CNTNAP5: variants seen among roughly 807,000 people sequenced by gnomAD.
CNTNAP5 encodes the protein contactin-associated protein-like 5.
CNTNAP5 carries 72 observed loss-of-function variants against 150.2 expected under a neutral mutation model. The observed-to-expected ratio is 0.48, with a 90% CI of 0.40 to 0.58. The LOEUF (loss-of-function observed/expected upper bound fraction) is 0.58. CNTNAP5 is among the 20% of genes least tolerant of loss of function. The probability of loss-of-function intolerance (pLI) is 0.00; values close to 1 mark genes in which losing one functional copy is unlikely to be tolerated. For missense variants in CNTNAP5, 1,636 were observed against 1,626.2 expected (o/e 1.01, Z -0.10); for synonymous variants, 672 against 619.8 (o/e 1.08, Z -1.25).
chr2:124,544,321 A>C lies in CNTNAP5; in HGVS notation c.1649+16865A>C, dbSNP rs574508228. On this transcript the variant is annotated intron_variant, in intron 10 of 23. Coordinates refer to ENST00000682447, the MANE Select transcript of CNTNAP5 (RefSeq NM_001367498.1). ...ATAAATAAGGAAAATCAAATAGATAAAGCTAATTTTAGCTAAAGAACTAAA... is the reference window on the plus strand; with the variant it reads ...ATAAATAAGGAAAATCAAATAGATACAGCTAATTTTAGCTAAAGAACTAAA... Among the ~76,000 whole-genome samples, 8 of 152,322 alleles carry C rather than the reference A, an allele frequency of 5.3e-5. No homozygotes were observed. The South Asian group carries it at 1.7e-3, about 32-fold the overall frequency.
intron 1 of CNTNAP5, among the ~76,000 whole-genome samples, chr2:124,027,447 T>C (rs1200992830): frequency 6.6e-6 from 1 of 152,178 alleles, no homozygotes; most frequent in Non-Finnish European, 1.5e-5. Flanking sequence ...GAGATAAGGA[T>C]AAAAAAGACA....
intron 1 of CNTNAP5, among the ~76,000 whole-genome samples, chr2:124,198,891 A>G (rs1057075608): frequency 3.3e-5 from 5 of 149,724 alleles, no homozygotes; most frequent in African/African-American, 1.2e-4. Flanking sequence ...CATTAACTGT[A>G]AATTCTATTC....
At chr2:124,899,960 A>T (rs1214377876) in intron 21 of CNTNAP5, among the ~76,000 whole-genome samples, 2 of 150,530 alleles carry the variant, frequency 1.3e-5, no homozygotes, top group Non-Finnish European at 2.9e-5. Flanking sequence ...AAATTATTTT[A>T]CTCTATACAG....
chr2:124,655,990 A>G (rs1464273027), intron 13 of CNTNAP5, among the ~76,000 whole-genome samples: 10 of 147,606 alleles, frequency 6.8e-5, no homozygotes, highest in East Asian at 2.0e-4. Flanking sequence ...AAAGAAAGAA[A>G]GAAAGAAAAA....
At chr2:124,640,835 A>T (rs1315763191) in intron 12 of CNTNAP5, among the ~76,000 whole-genome samples, 1 of 152,092 alleles carries the variant, frequency 6.6e-6, no homozygotes, top group Non-Finnish European at 1.5e-5. Flanking sequence ...AGGGTTAGGA[A>T]GGAGGAGCAG....
At chr2:124,394,188 A>G (rs1691189451) in intron 3 of CNTNAP5, among the ~76,000 whole-genome samples, 1 of 152,004 alleles carries the variant, frequency 6.6e-6, no homozygotes, top group Non-Finnish European at 1.5e-5. Context: ...CCTGGCCAGC[A>G]TGGTAAAACC....
Position 124,680,460 on chromosome 2 carries a change from T to A in CNTNAP5, c.2077+32502T>A, listed in dbSNP as rs527847115. Among the ~76,000 whole-genome samples, 4 of 152,008 alleles carry A rather than the reference T, an allele frequency of 2.6e-5. 1 individual carries two copies. The Admixed American group carries it at 2.7e-4, about 10-fold the overall frequency. ...TCTGACACACAGTGGGCTCCCAGCA[T>A]TTTCCAAATCACAGACTCTGATTAT... On this transcript the variant is annotated intron_variant, in intron 13 of 23. Coordinates refer to ENST00000682447, the MANE Select transcript of CNTNAP5 (RefSeq NM_001367498.1).
At chr2:124,682,779 G>A (rs17011851) in intron 13 of CNTNAP5, among the ~76,000 whole-genome samples, 4,301 of 152,280 alleles carry the variant, frequency 0.028, 63 homozygotes, top group Middle Eastern at 0.037. Flanking sequence ...TAGTGAATGT[G>A]TAGTTTTGAA....
At chr2:124,449,600 T>A (rs1162251340) in intron 6 of CNTNAP5, among the ~76,000 whole-genome samples, 1 of 152,132 alleles carries the variant, frequency 6.6e-6, no homozygotes, top group African/African-American at 2.4e-5. Flanking sequence ...TTTAGGGAAA[T>A]GAAATCCGAT....
chr2:124,739,518 A>T (rs1373147623), intron 13 of CNTNAP5, among the ~76,000 whole-genome samples: 5 of 152,156 alleles, frequency 3.3e-5, no homozygotes, highest in Admixed American at 3.3e-4. Flanking sequence ...AATCACTGGT[A>T]ATCTCTTGGC....
At chr2:124,772,001 T>C (rs542918357) in intron 16 of CNTNAP5, among the ~76,000 whole-genome samples, 2 of 149,754 alleles carry the variant, frequency 1.3e-5, no homozygotes, top group African/African-American at 4.9e-5. Context: ...ACCACCACCA[T>C]CACCATCATC....
At chr2:124,127,926 C>T (rs539208716) in intron 1 of CNTNAP5, among the ~76,000 whole-genome samples, 4 of 152,180 alleles carry the variant, frequency 2.6e-5, no homozygotes, top group African/African-American at 4.8e-5. Flanking sequence ...GGAGTAAAGA[C>T]TTAAATGTCA....
intron 11 of CNTNAP5, among the ~76,000 whole-genome samples, chr2:124,572,302 T>A (rs1696183783): frequency 6.6e-6 from 1 of 151,734 alleles, no homozygotes; most frequent in African/African-American, 2.4e-5. Context: ...GATACTGGGG[T>A]CTACCTGAGG....
At chr2:124,546,202 C>T (rs1421602291) in intron 10 of CNTNAP5, among the ~76,000 whole-genome samples, 2 of 152,122 alleles carry the variant, frequency 1.3e-5, no homozygotes, top group African/African-American at 4.8e-5. Context: ...TTGAATTCAT[C>T]ATAATACAGG....
chr2:124,735,874 T>G (rs1680372012), intron 13 of CNTNAP5, among the ~76,000 whole-genome samples: 1 of 152,190 alleles, frequency 6.6e-6, no homozygotes, highest in Non-Finnish European at 1.5e-5. Context: ...CGAATGTTAG[T>G]GTTACGGATA....
At chr2:124,462,805 G>A (rs1168190673) in intron 6 of CNTNAP5, among the ~76,000 whole-genome samples, 1 of 152,142 alleles carries the variant, frequency 6.6e-6, no homozygotes, top group Non-Finnish European at 1.5e-5. Context: ...AGAAACGAAT[G>A]AATCAAATAT....
chr2:124,713,265 C>G (rs894490878), intron 13 of CNTNAP5, among the ~76,000 whole-genome samples: 38 of 104,134 alleles, frequency 3.6e-4, no homozygotes, highest in African/African-American at 1.2e-3. Context: ...TTCTTTCTTT[C>G]TTTCTTTCTT....
At chr2:124,271,695 A>T (rs1272582555) in intron 3 of CNTNAP5, among the ~76,000 whole-genome samples, 1 of 105,558 alleles carries the variant, frequency 9.5e-6, no homozygotes, top group Admixed American at 1.0e-4. Context: ...CTATCTATCT[A>T]TCTATCATCT....
chr2:124,182,959 C>G (rs1529300), intron 1 of CNTNAP5, among the ~76,000 whole-genome samples: 149,266 of 152,310 alleles, frequency 0.98, 73,225 homozygotes, highest in East Asian at 1. Flanking sequence ...CTTATGACAG[C>G]ATTTTTCTTC....
Sources: gnomAD v4.1 joint callset for allele counts (sites outside exome capture counted in the v4.1 genomes callset) on GRCh38, gnomAD v4.1.1 for gene constraint, MANE v1.5 for transcripts, NCBI Gene and HGNC (gene_info 2026-07-23, HGNC 2026-07-21) for gene names.